Variants in ADGRL3 observed in about 807,000 individuals in gnomAD.
The protein encoded by ADGRL3 is adhesion G protein-coupled receptor L3.
ADGRL3 carries 62 observed loss-of-function variants against 153.5 expected under a neutral mutation model. That is an observed-to-expected ratio of 0.40 (90% CI 0.33 to 0.50). The LOEUF (loss-of-function observed/expected upper bound fraction) is 0.50, where lower values mean the gene tolerates loss of function less well. ADGRL3 is among the 20% of genes least tolerant of loss of function. The pLI is 0.47. For synonymous variants in ADGRL3, 710 were observed against 672.5 expected (o/e 1.06, Z -0.86); for missense variants, 1,641 against 1,859.4 (o/e 0.88, Z 2.16).
chr4:61,928,850 A>G (rs1283534523), intron 13 of ADGRL3, among the ~76,000 whole-genome samples: 1 of 152,274 alleles, frequency 6.6e-6, no homozygotes, highest in Non-Finnish European at 1.5e-5. Context: ...TTCCTATTGT[A>G]TATAATGGCA....
intron 6 of ADGRL3, among the ~76,000 whole-genome samples, chr4:61,726,210 G>GTTTTTTTTTTGTTTTTGTTTTTT (rs149472429): frequency 8.4e-6 from 1 of 118,480 alleles, no homozygotes; most frequent in African/African-American, 3.2e-5. Flanking sequence ...TTTTTTTTTT[G>GTTTTTTTTTTGTTTTTGTTTTTT]TTTTTTGAGA....
chr4:61,226,689 C>T (rs1748108845), intron 1 of ADGRL3, among the ~76,000 whole-genome samples: 1 of 152,076 alleles, frequency 6.6e-6, no homozygotes, highest in South Asian at 2.1e-4. Context: ...GAAGTTTCTA[C>T]TTCTATTTCA....
At chr4:61,626,505 C>G (rs1452405200) in intron 5 of ADGRL3, among the ~76,000 whole-genome samples, 3 of 152,028 alleles carry the variant, frequency 2.0e-5, no homozygotes, top group Non-Finnish European at 4.4e-5. Flanking sequence ...GAAATTTCTT[C>G]TTTCTCAAGA....
At chr4:61,792,064 C>G (rs1200011296) in intron 8 of ADGRL3, among the ~76,000 whole-genome samples, 3 of 152,196 alleles carry the variant, frequency 2.0e-5, no homozygotes, top group Admixed American at 2.0e-4. Flanking sequence ...CCTCATTATG[C>G]AAATTTCTGC....
chr4:61,742,329 A>G (rs2096591291), intron 8 of ADGRL3, among the ~76,000 whole-genome samples: 1 of 151,988 alleles, frequency 6.6e-6, no homozygotes, highest in African/African-American at 2.4e-5. Flanking sequence ...CCCAGGCTGG[A>G]GTGCACTGGA....
chr4:61,368,952 G>T (rs2096464386), intron 1 of ADGRL3, among the ~76,000 whole-genome samples: 2 of 152,280 alleles, frequency 1.3e-5, no homozygotes, highest in Non-Finnish European at 1.5e-5. Context: ...CACATCCCTT[G>T]TAAGTTGGAT....
chr4:62,051,955 G>A (rs1045330328), intron 25 of ADGRL3, among the ~76,000 whole-genome samples: 5 of 151,524 alleles, frequency 3.3e-5, no homozygotes, highest in South Asian at 2.1e-4. Flanking sequence ...GGAGTTGCTG[G>A]TGTTCTTTTC....
In ADGRL3 at chr4:62,074,980, TA is replaced by T. The variant is rs1296447094; in HGVS notation, c.*4073del. On this transcript the variant is annotated 3_prime_UTR_variant, in exon 27 of 27. Coordinates refer to ENST00000683033, the MANE Select transcript of ADGRL3 (RefSeq NM_001387552.1). The stretch of plus-strand genomic sequence containing the variant: ...CAACACATGTTGAAATGTTATTGAC[TA>T]GCTTGCTTTTTTTAAGGAATGACAT... 2.0e-5 allele frequency: 3 copies of T among 152,182 alleles called. No individual in the cohort carries two copies. Among genetic ancestry groups the T allele is most frequent in the Non-Finnish European group, 4.4e-5 (3 of 68,040 alleles). The allele number at this position is 152,182 out of a possible 1,614,324, so 9.4% of individuals were successfully genotyped here.
At chr4:61,757,762 G>C (rs377485336) in intron 8 of ADGRL3, among the ~76,000 whole-genome samples, 2 of 151,964 alleles carry the variant, frequency 1.3e-5, no homozygotes, top group African/African-American at 2.4e-5. Context: ...GCATTTAGTG[G>C]TATAAATTTC....
At chr4:61,322,558 C>G (rs1428614045) in intron 1 of ADGRL3, among the ~76,000 whole-genome samples, 1 of 152,224 alleles carries the variant, frequency 6.6e-6, no homozygotes, top group Non-Finnish European at 1.5e-5. Context: ...GATAAATACA[C>G]CCATTCCAAA....
At chr4:61,867,535 T>TATATATATATATATATATATATATGC in intron 9 of ADGRL3, among the ~76,000 whole-genome samples, 1 of 137,142 alleles carries the variant, frequency 7.3e-6, no homozygotes, top group African/African-American at 2.6e-5. Flanking sequence ...TATATATATA[T>TATATATATATATATATATATATATGC]ATATAATTGT....
intron 9 of ADGRL3, among the ~76,000 whole-genome samples, chr4:61,846,051 A>T (rs1055554243): frequency 1.3e-5 from 2 of 152,106 alleles, no homozygotes; most frequent in African/African-American, 4.8e-5. Flanking sequence ...ATGGTGGCTG[A>T]GGTCTGTAAT....
intron 8 of ADGRL3, among the ~76,000 whole-genome samples, chr4:61,777,841 CTGTT>C (rs977239182): frequency 1.3e-5 from 2 of 152,092 alleles, no homozygotes; most frequent in South Asian, 4.1e-4. Flanking sequence ...TTGCTTCTGT[CTGTT>C]TATTAAATAG....
chr4:61,270,084 CT>C (rs1211858999), intron 1 of ADGRL3, among the ~76,000 whole-genome samples: 1 of 151,654 alleles, frequency 6.6e-6, no homozygotes, highest in Non-Finnish European at 1.5e-5. Flanking sequence ...AATAGACATA[CT>C]GATTTGTTTT....
chr4:62,054,953 C>T (rs1458865513), intron 25 of ADGRL3, among the ~76,000 whole-genome samples: 1 of 151,632 alleles, frequency 6.6e-6, no homozygotes, highest in Non-Finnish European at 1.5e-5. Context: ...GCAAAAATGT[C>T]AGTCTGACAA....
Position 62,070,842 on chromosome 4 carries a change from A to G in ADGRL3, c.4566A>G (p.Pro1522=). 1 of 1,551,734 alleles carries G rather than the reference A, an allele frequency of 6.4e-7. No individual in the cohort carries two copies. ...RGSSDGFIVP[P]NKDGTPPEGS... ...GCAGTGATGGATTTATAGTTCCTCCAAACAAAGATGGGACCCCTCCCGAGG... is the reference window on the plus strand; with the variant it reads ...GCAGTGATGGATTTATAGTTCCTCCGAACAAAGATGGGACCCCTCCCGAGG... Residue 1522 remains proline (P), a synonymous_variant, in exon 27 of 27, where the codon CCA becomes CCG. Transcript: ENST00000683033.
intron 6 of ADGRL3, among the ~76,000 whole-genome samples, chr4:61,723,772 G>A (rs1160679807): frequency 6.6e-6 from 1 of 152,096 alleles, no homozygotes; most frequent in Non-Finnish European, 1.5e-5. Context: ...AATGCTTGCC[G>A]GTCAGGCTTT....
intron 16 of ADGRL3, among the ~76,000 whole-genome samples, 166 bp downstream of exon 16, chr4:61,947,288 G>A (rs1381765806): frequency 6.6e-6 from 1 of 152,124 alleles, no homozygotes; most frequent in Non-Finnish European, 1.5e-5. Context: ...AGATTTGGAG[G>A]AGGAGAATAA....
intron 4 of ADGRL3, among the ~76,000 whole-genome samples, chr4:61,565,094 A>T: frequency 6.6e-6 from 1 of 152,204 alleles, no homozygotes; most frequent in African/African-American, 2.4e-5. Context: ...AGCACATGCC[A>T]TTGGAAAAAT....
Sources: allele counts gnomAD v4.1 joint callset (sites outside exome capture counted in the v4.1 genomes callset), GRCh38; gene constraint gnomAD v4.1.1; transcripts MANE v1.5; gene names NCBI Gene and HGNC (gene_info 2026-07-23, HGNC 2026-07-21).